SLC38A11: variants seen among roughly 807,000 people sequenced by gnomAD.
SLC38A11 encodes the protein putative sodium-coupled neutral amino acid transporter 11.
In SLC38A11, 51 loss-of-function variants were observed where a neutral mutation model predicts 49.4. The ratio of observed to expected loss-of-function variants is 1.03; its 90% CI spans 0.83 to 1.30. SLC38A11 has a LOEUF of 1.30. SLC38A11 is among the 50% of genes most tolerant of loss of function. The pLI is 0.00. For missense variants in SLC38A11, 574 were observed against 556.2 expected, an observed-to-expected ratio of 1.03 and a Z score of -0.32; for synonymous variants, 203 against 192.9, an observed-to-expected ratio of 1.05 and a Z score of -0.43.
chr2:164,949,063 T>C (rs913184416), intron 3 of SLC38A11, among the ~76,000 whole-genome samples: 2 of 151,610 alleles, frequency 1.3e-5, no homozygotes, highest in African/African-American at 4.8e-5. Context: ...ACACACTATA[T>C]TGTGACCTTC....
At chr2:164,909,359 G>A (rs1470585878) in intron 10 of SLC38A11, among the ~76,000 whole-genome samples, 1 of 152,020 alleles carries the variant, frequency 6.6e-6, no homozygotes, top group Non-Finnish European at 1.5e-5. Context: ...CTGACTTAAT[G>A]TGTCCCATAT....
At chr2:164,921,623 C>G (rs1006612334) in intron 7 of SLC38A11, among the ~76,000 whole-genome samples, 4 of 151,958 alleles carry the variant, frequency 2.6e-5, no homozygotes, top group African/African-American at 9.7e-5. Flanking sequence ...ATCCACCTCA[C>G]CTGGCCTGTG....
At chr2:164,953,090 G>A in intron 2 of SLC38A11, 1 of 297,298 alleles carries the variant, frequency 3.4e-6, no homozygotes, top group Admixed American at 5.1e-5. Flanking sequence ...CAGGGTAAGA[G>A]TGACATAGCC....
At chr2:164,933,484 A>G (rs1367109541) in intron 7 of SLC38A11, among the ~76,000 whole-genome samples, 2 of 152,128 alleles carry the variant, frequency 1.3e-5, no homozygotes, top group East Asian at 1.9e-4. Context: ...TTATGGCCCT[A>G]TAAGTTATGG....
chr2:164,910,193 G>A (rs755163184), intron 10 of SLC38A11, among the ~76,000 whole-genome samples: 5 of 152,064 alleles, frequency 3.3e-5, no homozygotes, highest in Non-Finnish European at 5.9e-5. Context: ...TTGTGGCAGA[G>A]ATCTTGATTC....
In SLC38A11 at chr2:164,915,135, A is replaced by G. The variant is rs1488729609; in HGVS notation, c.827T>C (p.Leu276Ser). The change falls in exon 9 of 12, where the codon TTG becomes TCG. Residue 276 changes from leucine (L) to serine (S), a missense_variant. Physicochemically the swap from Leu to Ser is moderately radical, Grantham distance 145. Transcript: ENST00000685975. ...ACCTTGGGTGAAGCCAGTAAATGTC[A>G]AGTATCCACATGTAGCAAAGAATAT... ...ICIFFATCGY[L>S]TFTGFTQGDL... The G allele has an allele frequency of 3.1e-6, 5 of 1,608,560 alleles. No individual in the cohort carries two copies. In the African/African-American group the frequency reaches 5.4e-5, roughly 17 times the overall value.
At chr2:164,925,872 C>T (rs1686539156) in intron 7 of SLC38A11, among the ~76,000 whole-genome samples, 1 of 152,116 alleles carries the variant, frequency 6.6e-6, no homozygotes, top group Non-Finnish European at 1.5e-5. Flanking sequence ...TGCTGGCAGA[C>T]TCTTCTATTT....
chr2:164,953,085 T>C (rs1688632556), intron 2 of SLC38A11: 1 of 303,762 alleles, frequency 3.3e-6, no homozygotes, highest in Admixed American at 5.0e-5. Context: ...TACTTCAGGG[T>C]AAGAGTGACA....
At chr2:164,940,094 T>C (rs1322946873) in intron 5 of SLC38A11, among the ~76,000 whole-genome samples, 1 of 150,614 alleles carries the variant, frequency 6.6e-6, no homozygotes, top group Non-Finnish European at 1.5e-5. Context: ...ATTTCTCTAC[T>C]TTTGTCAAGA....
At chr2:164,923,400 G>T (rs1035518018) in intron 7 of SLC38A11, among the ~76,000 whole-genome samples, 15 of 152,142 alleles carry the variant, frequency 9.9e-5, no homozygotes, top group African/African-American at 3.6e-4. Context: ...TCCATTAAAA[G>T]GTGGGCAAAG....
In SLC38A11 at chr2:164,911,742, A is replaced by T; in HGVS notation, c.857T>A (p.Leu286Ter). ...ATCATTTCTGCAGTAATTTTCAAATAAGTCCCCTAGATAGTAATATAAAAT... is the reference window on the plus strand; with the variant it reads ...ATCATTTCTGCAGTAATTTTCAAATTAGTCCCCTAGATAGTAATATAAAAT... ...LTFTGFTQGD[L>*]FENYCRNDDL... Residue 286 changes from leucine to a stop codon, truncating the protein, a stop_gained, in exon 10 of 12, where the codon TTA (leucine) becomes TAA (stop). Coordinates refer to ENST00000685975, the MANE Select transcript of SLC38A11 (RefSeq NM_001351537.2). LOFTEE classifies it high-confidence loss of function. 6.3e-7 allele frequency: 1 copy of T among 1,581,900 alleles called. No homozygotes were observed. The highest frequency in any genetic ancestry group is 1.7e-5 in the Admixed American group (1 of 57,938).
intron 7 of SLC38A11, among the ~76,000 whole-genome samples, chr2:164,930,367 T>C (rs1686911382): frequency 6.6e-6 from 1 of 151,982 alleles, no homozygotes; most frequent in Non-Finnish European, 1.5e-5. Flanking sequence ...TTCCAAAAAA[T>C]TGAGGAGGAG....
intron 11 of SLC38A11, among the ~76,000 whole-genome samples, chr2:164,904,809 C>T (rs1292984105): frequency 6.6e-6 from 1 of 152,094 alleles, no homozygotes; most frequent in South Asian, 2.1e-4. Context: ...AAACTCAATG[C>T]ATAGATTTTA....
intron 7 of SLC38A11, among the ~76,000 whole-genome samples, chr2:164,932,071 C>T (rs1471699734): frequency 1.3e-5 from 2 of 151,378 alleles, no homozygotes; most frequent in Admixed American, 6.6e-5. Context: ...CTTAAATTTA[C>T]AAGAAAAAAA....
intron 7 of SLC38A11, among the ~76,000 whole-genome samples, chr2:164,930,461 A>T (rs541181428): frequency 6.6e-6 from 1 of 152,040 alleles, no homozygotes; most frequent in Non-Finnish European, 1.5e-5. Flanking sequence ...CAAAAAAAAA[A>T]CTTCAGGCCA....
chr2:164,941,800 A>G (rs565742134), intron 5 of SLC38A11, among the ~76,000 whole-genome samples: 3 of 152,272 alleles, frequency 2.0e-5, no homozygotes, highest in African/African-American at 7.2e-5. Flanking sequence ...TAAAGCATAT[A>G]TATATATTTA....
Position 164,915,245 on chromosome 2 carries a change from TAAG to T in SLC38A11, c.714_716del (p.Phe238del). ...TGGGTTCTTCTAGAGAACTGTAAAC[TAAG>T]AAGGAGTTATGGTGGCAAATAAATG... On this transcript the variant is annotated inframe_deletion, in exon 9 of 12. Transcript: ENST00000685975. 4 of 1,607,058 alleles carry T rather than the reference TAAG, an allele frequency of 2.5e-6. No homozygotes were observed. Among genetic ancestry groups the T allele is most frequent in the African/African-American group, 1.3e-5 (1 of 74,518 alleles).
intron 6 of SLC38A11, among the ~76,000 whole-genome samples, chr2:164,938,094 A>AT (rs1687502226): frequency 6.6e-6 from 1 of 152,210 alleles, no homozygotes; most frequent in Non-Finnish European, 1.5e-5. Context: ...CCTAGTCTTA[A>AT]TTTTTTTAAA....
At chr2:164,929,003 T>A (rs1686792071) in intron 7 of SLC38A11, among the ~76,000 whole-genome samples, 1 of 152,142 alleles carries the variant, frequency 6.6e-6, no homozygotes, top group Admixed American at 6.6e-5. Flanking sequence ...ATATATCCCA[T>A]GATAAAGATG....
Sources: gnomAD v4.1 joint callset for allele counts (sites outside exome capture counted in the v4.1 genomes callset) on GRCh38, gnomAD v4.1.1 for gene constraint, MANE v1.5 for transcripts, NCBI Gene and HGNC (gene_info 2026-07-23, HGNC 2026-07-21) for gene names.